Variants in RGS6 observed in about 807,000 individuals in gnomAD.
RGS6 encodes the protein regulator of G-protein signaling 6.
Under a neutral mutation model 78.5 loss-of-function variants are expected in RGS6, and 30 were observed. The ratio of observed to expected loss-of-function variants is 0.38; its 90% CI spans 0.29 to 0.52. The LOEUF (loss-of-function observed/expected upper bound fraction) is 0.52. Ranked by LOEUF, RGS6 falls within the 20% of genes least tolerant of loss-of-function variation. The pLI is 0.85. For missense variants in RGS6, 495 were observed against 609.7 expected (o/e 0.81, Z 1.98); for synonymous variants, 206 against 206.0 (o/e 1.00, Z 0.00).
intron 2 of RGS6, among the ~76,000 whole-genome samples, chr14:72,240,743 C>T (rs1032838628): frequency 6.6e-6 from 1 of 152,102 alleles, no homozygotes; most frequent in Non-Finnish European, 1.5e-5. Context: ...ATTTTCTCTC[C>T]TTACTGAAAC....
At chr14:72,361,461 A>G (rs991520685) in intron 3 of RGS6, among the ~76,000 whole-genome samples, 5 of 152,202 alleles carry the variant, frequency 3.3e-5, no homozygotes, top group Non-Finnish European at 7.3e-5. Context: ...TTCAGAGGCA[A>G]GAGTAAGAGA....
chr14:72,107,645 T>A (rs1304139443), intron 2 of RGS6, among the ~76,000 whole-genome samples: 3 of 152,172 alleles, frequency 2.0e-5, no homozygotes, highest in African/African-American at 7.2e-5. Context: ...TATACATAGA[T>A]GTTATATGTA....
intron 2 of RGS6, among the ~76,000 whole-genome samples, chr14:72,090,127 A>AAAT (rs1196377818): frequency 6.6e-5 from 9 of 136,656 alleles, no homozygotes; most frequent in African/African-American, 2.3e-4. Flanking sequence ...AAAAAAAAAA[A>AAAT]AATAAAGCCT....
chr14:72,248,515 T>C (rs990380774), intron 2 of RGS6, among the ~76,000 whole-genome samples: 3 of 152,210 alleles, frequency 2.0e-5, no homozygotes, highest in African/African-American at 7.2e-5. Context: ...AACCCACATA[T>C]ACAAAAGGTC....
chr14:72,107,653 G>A (rs2095661734), intron 2 of RGS6, among the ~76,000 whole-genome samples: 1 of 151,892 alleles, frequency 6.6e-6, no homozygotes, highest in Admixed American at 6.6e-5. Context: ...GATGTTATAT[G>A]TATTTAAATA....
chr14:72,421,390 A>G (rs371937087), intron 3 of RGS6, among the ~76,000 whole-genome samples: 32 of 152,292 alleles, frequency 2.1e-4, no homozygotes, highest in African/African-American at 7.5e-4. Context: ...TACATTTTAA[A>G]CTAAGCCAAA....
At chr14:72,612,166 T>C in the RGS6 span, among the ~76,000 whole-genome samples, 1 of 152,204 alleles carries the variant, frequency 6.6e-6, no homozygotes, top group South Asian at 2.1e-4. Context: ...CCATGGCAGA[T>C]GAGTGGGGGG....
intron 2 of RGS6, among the ~76,000 whole-genome samples, chr14:72,226,122 A>T (rs2048070252): frequency 6.6e-6 from 1 of 152,236 alleles, no homozygotes; most frequent in Non-Finnish European, 1.5e-5. Flanking sequence ...AATAAATAAA[A>T]ATCCAAATCT....
chr14:71,881,904 T>G, the RGS6 span, among the ~76,000 whole-genome samples: 2 of 152,204 alleles, frequency 1.3e-5, no homozygotes, highest in African/African-American at 4.8e-5. Context: ...TTTATTTTTA[T>G]TGGAAGCCTA....
chr14:72,397,228 G>A (rs368428634), intron 3 of RGS6, among the ~76,000 whole-genome samples: 9 of 152,144 alleles, frequency 5.9e-5, no homozygotes, highest in African/African-American at 1.7e-4. Context: ...ATTTCATTTA[G>A]TAGTGGTTTG....
intron 3 of RGS6, among the ~76,000 whole-genome samples, chr14:72,371,951 C>A (rs183565375): frequency 1.3e-5 from 2 of 152,232 alleles, no homozygotes; most frequent in Admixed American, 6.5e-5. Flanking sequence ...TCGGTCGCAG[C>A]ATGGAATTCT....
At chr14:72,293,274 CCA>C (rs892098418) in intron 2 of RGS6, among the ~76,000 whole-genome samples, 5 of 152,186 alleles carry the variant, frequency 3.3e-5, no homozygotes, top group African/African-American at 4.8e-5. Context: ...TGTTTCATCT[CCA>C]GTTATTATTC....
the RGS6 span, among the ~76,000 whole-genome samples, chr14:72,592,146 A>G: frequency 6.6e-6 from 1 of 152,232 alleles, no homozygotes; most frequent in African/African-American, 2.4e-5. Flanking sequence ...AAGGAGGAGA[A>G]AGGGAAAGAG....
chr14:72,076,551 C>T (rs1177949541), intron 2 of RGS6, among the ~76,000 whole-genome samples: 2 of 151,958 alleles, frequency 1.3e-5, no homozygotes, highest in African/African-American at 4.8e-5. Context: ...TTTTTTGAGA[C>T]AGCGTTTCAC....
intron 2 of RGS6, among the ~76,000 whole-genome samples, chr14:72,183,573 T>C (rs774120322): frequency 6.6e-6 from 1 of 152,170 alleles, no homozygotes; most frequent in African/African-American, 2.4e-5. Context: ...TTCCAATTGG[T>C]ACATAAATAG....
chr14:72,570,899 G>C (rs1272505244), downstream of RGS6, among the ~76,000 whole-genome samples: 3 of 152,142 alleles, frequency 2.0e-5, no homozygotes, highest in African/African-American at 7.2e-5. Flanking sequence ...GACGTCCAAA[G>C]TGTCCCATCT....
At chr14:72,551,088 C>T (rs909272326) in intron 17 of RGS6, among the ~76,000 whole-genome samples, 1 of 152,176 alleles carries the variant, frequency 6.6e-6, no homozygotes, top group African/African-American at 2.4e-5. Flanking sequence ...GATCTGCACA[C>T]CTCGGCCTCC....
At position 72,431,089 on chromosome 14, in the gene RGS6, T is replaced by C. The variant is rs190494984; in HGVS notation, c.185-23439T>C. Among the ~76,000 whole-genome samples, 22 of 152,290 alleles carry C rather than the reference T, an allele frequency of 1.4e-4. No individual in the cohort carries two copies. The East Asian group carries it at 4.2e-3, about 29-fold the overall frequency. On this transcript the variant is annotated intron_variant, in intron 3 of 17. Coordinates refer to ENST00000553525, the MANE Select transcript of RGS6 (RefSeq NM_001204424.2). ...GCAGCAAACATTTATTAAGCATGTA[T>C]ACTATACAGGGCTGCAAAAGTCCAT... is the stretch of plus-strand genomic sequence containing the variant.
At chr14:72,216,936 CTT>C in intron 2 of RGS6, among the ~76,000 whole-genome samples, 1 of 152,204 alleles carries the variant, frequency 6.6e-6, no homozygotes, top group African/African-American at 2.4e-5. Flanking sequence ...ATAGAAATAA[CTT>C]TGACCTTTTG....
Sources: gnomAD v4.1 joint callset for allele counts (sites outside exome capture counted in the v4.1 genomes callset) on GRCh38, gnomAD v4.1.1 for gene constraint, MANE v1.5 for transcripts, NCBI Gene and HGNC (gene_info 2026-07-23, HGNC 2026-07-21) for gene names.